DCC: variants seen among roughly 807,000 people sequenced by gnomAD.
The protein encoded by DCC is DCC netrin 1 receptor.
DCC carries 58 observed loss-of-function variants against 172.5 expected under a neutral mutation model. The ratio of observed to expected loss-of-function variants is 0.34; its 90% CI spans 0.27 to 0.42. The LOEUF is 0.42. DCC is among the 10% of genes least tolerant of loss of function. The probability of loss-of-function intolerance (pLI) is 1.00; values close to 1 mark genes in which losing one functional copy is unlikely to be tolerated. For synonymous variants in DCC, 709 were observed against 644.5 expected (o/e 1.10, Z -1.52); for missense variants, 1,740 against 1,791.0 (o/e 0.97, Z 0.51).
At chr18:52,685,461 C>A (rs1477333311) in intron 1 of DCC, among the ~76,000 whole-genome samples, 1 of 152,062 alleles carries the variant, frequency 6.6e-6, no homozygotes, top group Non-Finnish European at 1.5e-5. Flanking sequence ...TTTTGATTCC[C>A]AGTTATGACA....
chr18:53,284,779 A>T (rs2056916829), intron 12 of DCC, among the ~76,000 whole-genome samples: 1 of 152,134 alleles, frequency 6.6e-6, no homozygotes, highest in Non-Finnish European at 1.5e-5. Flanking sequence ...CTCCCTAGAA[A>T]CTTGTTAAGT....
At chr18:52,652,102 C>A (rs192687681) in intron 1 of DCC, among the ~76,000 whole-genome samples, 3 of 152,166 alleles carry the variant, frequency 2.0e-5, no homozygotes, top group Non-Finnish European at 1.5e-5. Flanking sequence ...AAGAACTAGG[C>A]GGTCTTGACA....
At chr18:53,387,704 G>A (rs1223902026) in intron 16 of DCC, among the ~76,000 whole-genome samples, 1 of 152,280 alleles carries the variant, frequency 6.6e-6, no homozygotes, top group African/African-American at 2.4e-5. Flanking sequence ...CTGCACCATT[G>A]TGTCTCATAA....
intron 8 of DCC, among the ~76,000 whole-genome samples, chr18:53,168,350 G>A (rs2054956258): frequency 6.6e-6 from 1 of 152,068 alleles, no homozygotes; most frequent in Admixed American, 6.6e-5. Flanking sequence ...AAAAGAAAAT[G>A]TGGCACATAT....
intron 1 of DCC, among the ~76,000 whole-genome samples, chr18:52,494,075 A>T (rs1290152595): frequency 6.6e-6 from 1 of 151,866 alleles, no homozygotes; most frequent in Non-Finnish European, 1.5e-5. Flanking sequence ...TTTTGCCTTC[A>T]CTTTTGATGG....
chr18:52,741,793 T>G (rs1370100012), intron 1 of DCC, among the ~76,000 whole-genome samples: 1 of 152,098 alleles, frequency 6.6e-6, no homozygotes, highest in Admixed American at 6.5e-5. Flanking sequence ...CCTGCCTGGG[T>G]GCCTTAGCAT....
At chr18:52,942,727 G>A (rs2040483402) in intron 5 of DCC, among the ~76,000 whole-genome samples, 1 of 152,128 alleles carries the variant, frequency 6.6e-6, no homozygotes, top group African/African-American at 2.4e-5. Flanking sequence ...CTCCCGCCAG[G>A]TCCCTCCCAC....
intron 1 of DCC, among the ~76,000 whole-genome samples, chr18:52,486,046 C>G (rs545413904): frequency 4.8e-4 from 73 of 152,074 alleles, no homozygotes; most frequent in Non-Finnish European, 8.1e-4. Flanking sequence ...ACTTGACAGA[C>G]AGCATTCGTG....
chr18:53,222,318 G>T (rs774995073), intron 12 of DCC, among the ~76,000 whole-genome samples: 1 of 151,316 alleles, frequency 6.6e-6, no homozygotes, highest in South Asian at 2.1e-4. Flanking sequence ...CATTTTCTCA[G>T]AGCAGCCCTT....
At chr18:52,918,234 A>C (rs931660116) in intron 3 of DCC, among the ~76,000 whole-genome samples, 1 of 152,172 alleles carries the variant, frequency 6.6e-6, no homozygotes, top group African/African-American at 2.4e-5. Context: ...ATTTACTGGA[A>C]AAGTCTTTAT....
intron 15 of DCC, among the ~76,000 whole-genome samples, chr18:53,374,830 T>C (rs2058093466): frequency 6.6e-6 from 1 of 152,210 alleles, no homozygotes; most frequent in Non-Finnish European, 1.5e-5. Flanking sequence ...TTGGTTAATA[T>C]TTATTACTAA....
intron 3 of DCC, among the ~76,000 whole-genome samples, chr18:52,918,391 A>G (rs2040071460): frequency 6.6e-6 from 1 of 152,140 alleles, no homozygotes. Flanking sequence ...CTAGAATTTT[A>G]AGTTCACATC....
chr18:52,461,255 T>C (rs1029929134), intron 1 of DCC, among the ~76,000 whole-genome samples: 2 of 152,208 alleles, frequency 1.3e-5, no homozygotes, highest in African/African-American at 4.8e-5. Context: ...CACCTTCACA[T>C]GTCTTCCCAT....
At chr18:52,642,077 TATAC>T (rs1367582532) in intron 1 of DCC, among the ~76,000 whole-genome samples, 30 of 121,620 alleles carry the variant, frequency 2.5e-4, no homozygotes, top group Middle Eastern at 3.9e-3. Context: ...TATATATATA[TATAC>T]ACACACACAC....
chr18:53,414,987 T>C (rs1910219369), intron 20 of DCC, among the ~76,000 whole-genome samples: 1 of 152,242 alleles, frequency 6.6e-6, no homozygotes, highest in African/African-American at 2.4e-5. Context: ...GAAATCACTC[T>C]TAGGATGTAA....
chr18:53,313,010 G>A (rs1279534480), intron 13 of DCC, among the ~76,000 whole-genome samples: 4 of 133,074 alleles, frequency 3.0e-5, no homozygotes, highest in East Asian at 2.3e-4. Context: ...GGAAGGAAGG[G>A]AGGAAGAAAG....
chr18:53,050,860 A>G (rs1353636469), intron 5 of DCC, among the ~76,000 whole-genome samples: 2 of 152,124 alleles, frequency 1.3e-5, no homozygotes, highest in African/African-American at 4.8e-5. Flanking sequence ...AGGAAAAGAG[A>G]TATATCTATA....
chr18:52,499,564 A>G (rs549537685), intron 1 of DCC, among the ~76,000 whole-genome samples: 78 of 152,126 alleles, frequency 5.1e-4, no homozygotes, highest in East Asian at 9.7e-4. Flanking sequence ...GCTTTCTCCC[A>G]TCATATTTCT....
Position 52,800,407 on chromosome 18 carries a change from A to T in DCC, c.412+48033A>T, listed in dbSNP as rs553235909. On this transcript the variant is annotated intron_variant, in intron 2 of 28. Transcript: ENST00000442544. ...TACAACAAGAAATACTGGGAGATGC[A>T]CTACAAAATGACATTTCCAGTGAGA... Among the ~76,000 whole-genome samples, 6 of 152,362 alleles carry T rather than the reference A, an allele frequency of 3.9e-5. No individual in the cohort carries two copies. The South Asian group carries it at 1.2e-3, about 32-fold the overall frequency.
Sources: gnomAD v4.1 joint callset for allele counts (sites outside exome capture counted in the v4.1 genomes callset) on GRCh38, gnomAD v4.1.1 for gene constraint, MANE v1.5 for transcripts, NCBI Gene and HGNC (gene_info 2026-07-23, HGNC 2026-07-21) for gene names.